Variants in WDR41 observed in about 807,000 individuals in gnomAD.
WDR41 encodes the protein WD repeat-containing protein 41.
A neutral mutation model predicts 69.3 loss-of-function variants in WDR41; 63 were observed. The observed-to-expected ratio is 0.91, with a 90% CI of 0.74 to 1.12. The LOEUF is 1.12. Ranked by LOEUF, WDR41 falls within the 50% of genes most tolerant of loss-of-function variation. WDR41 has a pLI of 0.00. For synonymous variants in WDR41, 185 were observed against 192.1 expected, an observed-to-expected ratio of 0.96 and a Z score of 0.31; for missense variants, 543 against 534.5, an observed-to-expected ratio of 1.02 and a Z score of -0.16.
At chr5:77,575,611 C>T (rs1743816736) in intron 1 of WDR41, among the ~76,000 whole-genome samples, 1 of 152,146 alleles carries the variant, frequency 6.6e-6, no homozygotes, top group Non-Finnish European at 1.5e-5. Flanking sequence ...TGTGCCCAAG[C>T]TATTGAAGTC....
chr5:77,526,124 A>C (rs1277437864), intron 1 of WDR41, among the ~76,000 whole-genome samples: 1 of 152,244 alleles, frequency 6.6e-6, no homozygotes, highest in African/African-American at 2.4e-5. Context: ...AGGAAATAGT[A>C]TAAGACATTC....
intron 1 of WDR41, among the ~76,000 whole-genome samples, chr5:77,596,219 C>T (rs561047155): frequency 1.3e-5 from 2 of 152,276 alleles, no homozygotes; most frequent in South Asian, 4.1e-4. Flanking sequence ...GTGATCTTGG[C>T]TCACTGCAAC....
At chr5:77,536,105 A>G (rs1030798512) in intron 1 of WDR41, among the ~76,000 whole-genome samples, 5 of 152,162 alleles carry the variant, frequency 3.3e-5, no homozygotes, top group African/African-American at 9.7e-5. Flanking sequence ...TCTTGGCTCA[A>G]TGCAAATAGC....
At chr5:77,485,941 G>GAAAAACCAAAAAAACC (rs1561199235) in intron 2 of WDR41, among the ~76,000 whole-genome samples, 1 of 151,714 alleles carries the variant, frequency 6.6e-6, no homozygotes, top group African/African-American at 2.4e-5. Flanking sequence ...GATTATAACA[G>GAAAAACCAAAAAAACC]CTGACCAAAA....
At chr5:77,618,046 G>C (rs1035811154) in intron 1 of WDR41, among the ~76,000 whole-genome samples, 2 of 152,152 alleles carry the variant, frequency 1.3e-5, no homozygotes, top group South Asian at 4.1e-4. Context: ...GAGGAATAAT[G>C]TTAATTTTCA....
chr5:77,571,519 C>T (rs1324489499), intron 1 of WDR41, among the ~76,000 whole-genome samples: 3 of 152,148 alleles, frequency 2.0e-5, no homozygotes, highest in Non-Finnish European at 4.4e-5. Context: ...GGTTGCTGCA[C>T]TCCCAAGTTT....
At chr5:77,529,518 A>G (rs961941756) in intron 1 of WDR41, among the ~76,000 whole-genome samples, 3 of 151,628 alleles carry the variant, frequency 2.0e-5, no homozygotes, top group Non-Finnish European at 4.4e-5. Context: ...TTACGAGTTG[A>G]TTATAATATT....
intron 10 of WDR41, among the ~76,000 whole-genome samples, 184 bp from the exon 11 acceptor site, chr5:77,437,608 CAT>C (rs557185281): frequency 6.3e-4 from 96 of 152,188 alleles, no homozygotes; most frequent in Non-Finnish European, 1.1e-3. Context: ...AGGAAAGCCA[CAT>C]GTTACTCGTT....
chr5:77,537,879 T>G (rs1490403709), intron 1 of WDR41, among the ~76,000 whole-genome samples: 1 of 152,168 alleles, frequency 6.6e-6, no homozygotes, highest in Non-Finnish European at 1.5e-5. Context: ...TATTTAAATG[T>G]GACTGGAGTA....
chr5:77,498,447 A>C (rs1345842802), intron 1 of WDR41, among the ~76,000 whole-genome samples: 1 of 152,206 alleles, frequency 6.6e-6, no homozygotes, highest in Non-Finnish European at 1.5e-5. Context: ...ACTTCAATTT[A>C]TATCTCATTC....
At chr5:77,531,720 C>T (rs1428442195) in intron 1 of WDR41, among the ~76,000 whole-genome samples, 1 of 151,950 alleles carries the variant, frequency 6.6e-6, no homozygotes, top group Non-Finnish European at 1.5e-5. Flanking sequence ...GTGGTCTATA[C>T]ATGGTCATAG....
At chr5:77,620,569 C>T (rs1267685225) in exon 1 of WDR41, 3 of 451,864 alleles carry the variant, frequency 6.6e-6, no homozygotes, top group East Asian at 7.0e-5. Context: ...TGTGTACCTG[C>T]GCTCACCTGA....
At chr5:77,481,865 T>C (rs1193174526) in intron 2 of WDR41, among the ~76,000 whole-genome samples, 1 of 152,014 alleles carries the variant, frequency 6.6e-6, no homozygotes, top group South Asian at 2.1e-4. Flanking sequence ...AGCTGATATG[T>C]TCATGTTCAT....
intron 1 of WDR41, chr5:77,545,603 C>A: frequency 2.9e-6 from 1 of 341,944 alleles, no homozygotes; most frequent in Non-Finnish European, 5.4e-6. Context: ...AAGATGAAAT[C>A]CCTGGAGATC....
At chr5:77,489,105 C>G (rs1801651106) in intron 2 of WDR41, among the ~76,000 whole-genome samples, 1 of 152,160 alleles carries the variant, frequency 6.6e-6, no homozygotes, top group African/African-American at 2.4e-5. Context: ...TACTTAAACA[C>G]TTAGCATATT....
chr5:77,451,540 T>G (rs1799628653), intron 6 of WDR41, 187 bp from the exon 7 acceptor site: 6 of 586,324 alleles, frequency 1.0e-5, no homozygotes. Context: ...TTCTGAGACT[T>G]TTGGAAGACA....
chr5:77,620,478 C>T lies in WDR41; in HGVS notation c.42+1G>A, dbSNP rs1273982921. Reference sequence around the variant, plus strand: ...GAAGTCCCAACAAAAACTTCACATACCTCACCAGTTTCCCCTGGACTTGAA... The same window carrying T: ...GAAGTCCCAACAAAAACTTCACATATCTCACCAGTTTCCCCTGGACTTGAA... On this transcript the variant is annotated splice_donor_variant, in intron 1 of 5. Transcript: ENST00000509971. LOFTEE classifies it high-confidence loss of function. 4.5e-6 allele frequency: 2 copies of T among 449,178 alleles called. No homozygotes were observed. The highest frequency in any genetic ancestry group is 8.9e-6 in the Non-Finnish European group (2 of 225,548). The allele number at this position is 449,178 out of a possible 1,614,324, so 27.8% of individuals were successfully genotyped here.
intron 1 of WDR41, among the ~76,000 whole-genome samples, chr5:77,608,968 G>A (rs138931548): frequency 0.014 from 2,205 of 152,294 alleles, 57 homozygotes; most frequent in African/African-American, 0.05. Flanking sequence ...GCGCTTTTCC[G>A]ACGGGCTTAA....
intron 1 of WDR41, among the ~76,000 whole-genome samples, chr5:77,554,828 G>A (rs1281829997): frequency 6.6e-6 from 1 of 151,902 alleles, no homozygotes; most frequent in Non-Finnish European, 1.5e-5. Context: ...GCTGATAAAA[G>A]TGCCTAGAGG....
Sources: allele counts gnomAD v4.1 joint callset (sites outside exome capture counted in the v4.1 genomes callset), GRCh38; gene constraint gnomAD v4.1.1; transcripts MANE v1.5; gene names NCBI Gene and HGNC (gene_info 2026-07-23, HGNC 2026-07-21).